The following VWDE variants were observed in gnomAD, a reference collection of about 807,000 sequenced individuals.
VWDE encodes the protein von Willebrand factor D and EGF domain-containing protein.
A neutral mutation model predicts 178.4 loss-of-function variants in VWDE; 207 were observed. The observed-to-expected ratio is 1.16, with a 90% confidence interval of 1.04 to 1.30. VWDE has a LOEUF of 1.30. Ranked by LOEUF, VWDE falls within the 50% of genes most tolerant of loss-of-function variation. The pLI is 0.00. For missense variants in VWDE, 2,287 were observed against 1,901.3 expected (o/e 1.20, Z -3.77); for synonymous variants, 738 against 651.4 (o/e 1.13, Z -2.02).
At chr7:12,369,374 A>G (rs781007526) in intron 12 of VWDE, among the ~76,000 whole-genome samples, 171 bp downstream of exon 12, 5 of 152,186 alleles carry the variant, frequency 3.3e-5, no homozygotes, top group Non-Finnish European at 7.3e-5. Context: ...TACTCCAAAT[A>G]AGATGAGATG....
rs148722681 is a variant in VWDE at position 12,397,871 on chromosome 7, C to T, written c.59-4093G>A. On this transcript the variant is annotated intron_variant, in intron 1 of 28. Coordinates refer to ENST00000275358, the MANE Select transcript of VWDE (RefSeq NM_001135924.3). The stretch of plus-strand genomic sequence containing the variant: ...AAAACCACAATGAGGTATCATCTTA[C>T]ACCAGTCCGAATCACTATTATTAAA... 7.8e-3 allele frequency among the ~76,000 whole-genome samples: 1,191 copies of T among 152,214 alleles called. 23 individuals are homozygous for T. The highest frequency in any genetic ancestry group is 0.027 in the African/African-American group (1,130 of 41,520).
At chr7:12,379,630 C>T in intron 5 of VWDE, 64 bp from the exon 6 acceptor site, 1 of 1,210,900 alleles carries the variant, frequency 8.3e-7, no homozygotes, top group African/African-American at 1.5e-5. Context: ...TGTAAATTAT[C>T]ACTTTTAAAA....
In VWDE at chr7:12,370,877, A is replaced by G. The variant is rs754278197; in HGVS notation, c.1588-13T>C. 1.3e-6 allele frequency: 2 copies of G among 1,496,518 alleles called. No individual in the cohort carries two copies. The highest frequency in any genetic ancestry group is 1.8e-6 in the Non-Finnish European group (2 of 1,123,046). The allele number at this position is 1,496,518 out of a possible 1,614,324, so 92.7% of individuals were successfully genotyped here. ...AAGAAAACCAGATCTGAAAAACAGA[A>G]ATAAATACAGAAATAAAAGATGTTG... On this transcript the variant is annotated splice_polypyrimidine_tract_variant and intron_variant, in intron 10 of 28. Transcript: ENST00000275358.
chr7:12,365,778 TA>T (rs1176573949), intron 13 of VWDE, among the ~76,000 whole-genome samples: 1 of 152,104 alleles, frequency 6.6e-6, no homozygotes, highest in Admixed American at 6.6e-5. Flanking sequence ...AGACTGGCGC[TA>T]GGAGAGACAG....
intron 18 of VWDE, among the ~76,000 whole-genome samples, chr7:12,355,209 G>C (rs1306298048): frequency 1.3e-5 from 2 of 152,118 alleles, no homozygotes. Context: ...GAGGTCAGGA[G>C]ATTGAGACCA....
At chr7:12,359,760 G>A in intron 15 of VWDE, 68 bp from the exon 16 acceptor site, 2 of 934,248 alleles carry the variant, frequency 2.1e-6, no homozygotes, top group Non-Finnish European at 3.3e-6. Flanking sequence ...GTACATAGAA[G>A]GATGGCAGTG....
chr7:12,355,697 A>G (rs1192286288), intron 18 of VWDE, among the ~76,000 whole-genome samples: 1 of 152,188 alleles, frequency 6.6e-6, no homozygotes, highest in African/African-American at 2.4e-5. Flanking sequence ...TTTGATTTCA[A>G]CTTCTTACCA....
chr7:12,336,583 G>C (rs77595649), intron 26 of VWDE, among the ~76,000 whole-genome samples: 3,584 of 152,194 alleles, frequency 0.024, 76 homozygotes, highest in East Asian at 0.074. Context: ...TGAAACATTT[G>C]AATAAAGACA....
rs762355562 is a variant in VWDE, at chr7:12,383,531, C to T, written c.541+5G>A. On this transcript the variant is annotated splice_donor_5th_base_variant and intron_variant, in intron 4 of 28. Transcript: ENST00000275358. ...ACTATTAAAAAAGCAAAATATGATA[C>T]TTACGAACACAATCACCTCCTGTTT... 10 of 1,549,470 alleles carry T rather than the reference C, an allele frequency of 6.5e-6. No individual in the cohort carries two copies. Among genetic ancestry groups the T allele is most frequent in the Admixed American group, 3.9e-5 (2 of 50,930 alleles).
rs762948437 is a variant in VWDE, at chr7:12,336,156, C to T, written c.4639G>A (p.Val1547Met). Residue 1547 changes from valine (V) to methionine (M), a missense_variant, in exon 27 of 29, where the codon GTG becomes ATG. Transcript: ENST00000275358. ...GTGGGCTTACGTATTTGACACCGCA[C>T]TCCTTCCCAGGAGGAAGGACAATGG... ...ICHCPSSWEG[V>M]RCQIPICNPK... The T allele has an allele frequency of 1.9e-5, 30 of 1,550,540 alleles. No individual in the cohort carries two copies. In the African/African-American group the frequency reaches 4.0e-4, roughly 21 times the overall value.
chr7:12,374,861 T>C (rs61027419), intron 8 of VWDE, 99 bp from the exon 9 acceptor site: 4 of 1,145,706 alleles, frequency 3.5e-6, no homozygotes, highest in African/African-American at 1.6e-5. Context: ...CAATTAATTA[T>C]TGTTTTTATC....
At chr7:12,339,826 T>G (rs1046192476) in intron 24 of VWDE, among the ~76,000 whole-genome samples, 3 of 152,112 alleles carry the variant, frequency 2.0e-5, no homozygotes, top group Non-Finnish European at 4.4e-5. Context: ...GGGAAAGTGT[T>G]AAAATACTAA....
intron 6 of VWDE, 89 bp from the exon 7 acceptor site, chr7:12,378,009 A>G (rs1016242693): frequency 1.1e-6 from 1 of 946,394 alleles, no homozygotes; most frequent in Admixed American, 3.8e-5. Context: ...TCAACAGCAC[A>G]TATTTTACTA....
At chr7:12,344,320 A>T (rs375483470) in intron 20 of VWDE, 30 bp from the exon 21 acceptor site, 2 of 1,550,294 alleles carry the variant, frequency 1.3e-6, no homozygotes, top group Non-Finnish European at 8.7e-7. Context: ...AGTTTTAGAC[A>T]TATCAATTAC....
chr7:12,374,849 T>G, intron 8 of VWDE, 87 bp from the exon 9 acceptor site: 1 of 1,142,216 alleles, frequency 8.8e-7, no homozygotes, highest in South Asian at 1.6e-5. Flanking sequence ...TCAACAAACT[T>G]TCAATTAATT....
chr7:12,357,167 C>G (rs567947075), intron 17 of VWDE, 98 bp downstream of exon 17: 2 of 1,401,992 alleles, frequency 1.4e-6, no homozygotes, highest in South Asian at 3.0e-5. Context: ...AACTTTGTTG[C>G]TCTTTACAAC....
intron 2 of VWDE, among the ~76,000 whole-genome samples, chr7:12,390,297 G>A (rs1784323430): frequency 6.6e-6 from 1 of 151,994 alleles, no homozygotes; most frequent in African/African-American, 2.4e-5. Context: ...GTATGACTTG[G>A]GAAGAACCAG....
In VWDE at chr7:12,356,231, C is replaced by T; in HGVS notation, c.3625G>A (p.Gly1209Ser). 6.4e-7 allele frequency: 1 copy of T among 1,551,484 alleles called. No individual in the cohort carries two copies. The highest frequency in any genetic ancestry group is 8.7e-7 in the Non-Finnish European group (1 of 1,146,974). The change falls in exon 18 of 29, where the codon GGC (glycine) becomes AGC (serine). Residue 1209 changes from glycine to serine, a missense_variant. Physicochemically the swap from Gly to Ser is moderately conservative, Grantham distance 56. Coordinates refer to ENST00000275358, the MANE Select transcript of VWDE (RefSeq NM_001135924.3). ...SGVYLCVCLP[G>S]FHGSLCEVDI... is the part of the protein sequence containing the mutation. ...ACTTCACAAAGGCTGCCATGGAAGCCAGGCAAGCAGACACACAGGTACACT... is the reference window on the plus strand; with the variant it reads ...ACTTCACAAAGGCTGCCATGGAAGCTAGGCAAGCAGACACACAGGTACACT...
At chr7:12,350,463 T>G (rs1781867632) in intron 19 of VWDE, among the ~76,000 whole-genome samples, 1 of 152,104 alleles carries the variant, frequency 6.6e-6, no homozygotes, top group Non-Finnish European at 1.5e-5. Context: ...AAACTAGGAA[T>G]TCTGAAAAAG....
Sources: gnomAD v4.1 joint callset for allele counts (sites outside exome capture counted in the v4.1 genomes callset) on GRCh38, gnomAD v4.1.1 for gene constraint, MANE v1.5 for transcripts, NCBI Gene and HGNC (gene_info 2026-07-23, HGNC 2026-07-21) for gene names.